The following RGS6 variants were observed in gnomAD, a reference collection of about 807,000 sequenced individuals.
RGS6 encodes regulator of G-protein signaling 6.
RGS6 carries 30 observed loss-of-function variants against 78.5 expected under a neutral mutation model. The observed-to-expected ratio is 0.38, with a 90% CI of 0.29 to 0.52. The LOEUF (loss-of-function observed/expected upper bound fraction) is 0.52. RGS6 is among the 20% of genes least tolerant of loss of function. The probability of loss-of-function intolerance (pLI) is 0.85; values close to 1 mark genes in which losing one functional copy is unlikely to be tolerated. For missense variants in RGS6, 495 were observed against 609.7 expected (o/e 0.81, Z 1.98); for synonymous variants, 206 against 206.0 (o/e 1.00, Z 0.00).
intron 2 of RGS6, among the ~76,000 whole-genome samples, chr14:72,155,556 A>G (rs1235501644): frequency 6.6e-6 from 1 of 152,220 alleles, no homozygotes; most frequent in East Asian, 1.9e-4. Flanking sequence ...TGAAACCCAC[A>G]TTAATGAGCT....
chr14:72,122,545 C>G (rs1192913623), intron 2 of RGS6, among the ~76,000 whole-genome samples: 1 of 152,162 alleles, frequency 6.6e-6, no homozygotes, highest in Non-Finnish European at 1.5e-5. Context: ...TCTTAGCTTT[C>G]TTGCATTTCC....
intron 12 of RGS6, among the ~76,000 whole-genome samples, chr14:72,489,027 A>G (rs28587778): frequency 0.01 from 1,561 of 152,300 alleles, 27 homozygotes; most frequent in African/African-American, 0.036. Flanking sequence ...CCAATAACGT[A>G]ATTAATTAAA....
At chr14:72,287,566 C>T (rs942214702) in intron 2 of RGS6, among the ~76,000 whole-genome samples, 7 of 152,108 alleles carry the variant, frequency 4.6e-5, no homozygotes, top group Non-Finnish European at 5.9e-5. Context: ...AAGTGATTCT[C>T]CTGCCTCAGC....
At chr14:72,077,910 T>TC (rs911058814) in intron 2 of RGS6, among the ~76,000 whole-genome samples, 63 of 152,316 alleles carry the variant, frequency 4.1e-4, no homozygotes, top group Middle Eastern at 3.4e-3. Flanking sequence ...TCTGTCTTTA[T>TC]CCCTCTAAGT....
intron 2 of RGS6, among the ~76,000 whole-genome samples, chr14:72,302,071 CA>C (rs1347642505): frequency 6.6e-6 from 1 of 152,188 alleles, no homozygotes; most frequent in Non-Finnish European, 1.5e-5. Context: ...TTGTTCTAAG[CA>C]TCTGTGTGAC....
intron 2 of RGS6, among the ~76,000 whole-genome samples, chr14:72,224,262 G>A (rs2047559753): frequency 6.6e-6 from 1 of 151,990 alleles, no homozygotes; most frequent in South Asian, 2.1e-4. Context: ...CTACAAAAAA[G>A]TGCAAAAATT....
the RGS6 span, among the ~76,000 whole-genome samples, chr14:72,572,938 G>C: frequency 1.3e-5 from 2 of 151,654 alleles, no homozygotes; most frequent in Non-Finnish European, 2.9e-5. Flanking sequence ...GAGAGGGAGG[G>C]AAGGAGAGAG....
intron 15 of RGS6, among the ~76,000 whole-genome samples, chr14:72,530,650 C>G (rs1427175302): frequency 1.3e-5 from 2 of 152,186 alleles, no homozygotes; most frequent in Non-Finnish European, 2.9e-5. Flanking sequence ...AAGATCACAC[C>G]ACTGCACTCC....
At chr14:72,081,097 T>C (rs1179516008) in intron 2 of RGS6, among the ~76,000 whole-genome samples, 1 of 152,158 alleles carries the variant, frequency 6.6e-6, no homozygotes, top group Non-Finnish European at 1.5e-5. Context: ...TGTAGATTGC[T>C]TTAGGTAGTA....
chr14:72,482,523 T>C (rs1170893184), intron 12 of RGS6, among the ~76,000 whole-genome samples: 1 of 152,206 alleles, frequency 6.6e-6, no homozygotes, highest in African/African-American at 2.4e-5. Flanking sequence ...CTGGCTCCAC[T>C]GGTCTCAGCC....
chr14:72,294,290 G>A (rs2064248705), intron 2 of RGS6, among the ~76,000 whole-genome samples: 2 of 152,204 alleles, frequency 1.3e-5, no homozygotes, highest in Admixed American at 1.3e-4. Context: ...AAGCCACATG[G>A]TTCAAACATG....
At chr14:72,251,128 T>C (rs1348302573) in intron 2 of RGS6, among the ~76,000 whole-genome samples, 1 of 152,228 alleles carries the variant, frequency 6.6e-6, no homozygotes, top group Non-Finnish European at 1.5e-5. Flanking sequence ...CAATAGTTTA[T>C]AAATGATTCT....
At chr14:72,501,177 C>T (rs892462866) in intron 13 of RGS6, among the ~76,000 whole-genome samples, 4 of 151,996 alleles carry the variant, frequency 2.6e-5, no homozygotes, top group Non-Finnish European at 5.9e-5. Context: ...AGGATGTCAC[C>T]GACAATGTCT....
At chr14:72,012,097 T>C (rs2085876877) in intron 2 of RGS6, among the ~76,000 whole-genome samples, 1 of 152,238 alleles carries the variant, frequency 6.6e-6, no homozygotes. Flanking sequence ...TATGTATCAG[T>C]AGGCATTTTA....
chr14:72,207,883 AT>A (rs1227288273), intron 2 of RGS6, among the ~76,000 whole-genome samples: 6 of 152,244 alleles, frequency 3.9e-5, no homozygotes, highest in Admixed American at 1.3e-4. Flanking sequence ...TAATAGGACA[AT>A]AATAGTACCG....
At chr14:71,960,031 C>T (rs552963404) in intron 1 of RGS6, among the ~76,000 whole-genome samples, 15 of 152,312 alleles carry the variant, frequency 9.8e-5, no homozygotes, top group African/African-American at 3.6e-4. Flanking sequence ...TCCTGCTCTG[C>T]TCAACATTGT....
At chr14:72,453,479 A>G (rs1416584019) in intron 3 of RGS6, among the ~76,000 whole-genome samples, 3 of 148,550 alleles carry the variant, frequency 2.0e-5, no homozygotes, top group African/African-American at 7.6e-5. Flanking sequence ...AGCCGGGCGT[A>G]GTGGCAGGCG....
At chr14:72,414,984 A>T (rs1429693587) in intron 3 of RGS6, among the ~76,000 whole-genome samples, 1 of 152,140 alleles carries the variant, frequency 6.6e-6, no homozygotes. Flanking sequence ...CCTCCCAGTT[A>T]GGCTACTCGG....
At chr14:71,884,888 G>A in the RGS6 span, among the ~76,000 whole-genome samples, 63,883 of 151,878 alleles carry the variant, frequency 0.42, 14,487 homozygotes, top group Non-Finnish European at 0.5. Context: ...AGGCCCTTTC[G>A]TTCCCTGTGG....
Sources: allele counts gnomAD v4.1 joint callset (sites outside exome capture counted in the v4.1 genomes callset), GRCh38; gene constraint gnomAD v4.1.1; transcripts MANE v1.5; gene names NCBI Gene and HGNC (gene_info 2026-07-23, HGNC 2026-07-21).